The following NUMB variants were observed in gnomAD, a reference collection of about 807,000 sequenced individuals.
The protein encoded by NUMB is NUMB endocytic adaptor protein.
In NUMB, 29 loss-of-function variants were observed where a neutral mutation model predicts 59.7. The observed-to-expected ratio is 0.49, with a 90% CI of 0.36 to 0.66. The LOEUF (loss-of-function observed/expected upper bound fraction) is 0.66, where lower values mean the gene tolerates loss of function less well. Ranked by LOEUF, NUMB falls within the 30% of genes least tolerant of loss-of-function variation. The pLI is 0.00. For missense variants in NUMB, 723 were observed against 822.0 expected (o/e 0.88, Z 1.47); for synonymous variants, 288 against 288.2 (o/e 1.00, Z 0.01).
intron 4 of NUMB, among the ~76,000 whole-genome samples, chr14:73,324,684 C>T (rs1324867301): frequency 1.3e-5 from 2 of 151,926 alleles, no homozygotes; most frequent in African/African-American, 4.8e-5. Context: ...AGACACACTA[C>T]ACCCTGTCCT....
chr14:73,276,555 A>AGAT lies in NUMB; in HGVS notation c.*20_*22dup. The AGAT allele has an allele frequency of 6.3e-7, 1 of 1,583,028 alleles. No individual in the cohort carries two copies. Among genetic ancestry groups the AGAT allele is most frequent in the Middle Eastern group, 1.7e-4 (1 of 5,868 alleles). Reference sequence around the variant, plus strand: ...CCCTGCTCCCTGTCTGGTATGGACAAGATACATAGCCATAATGATTGCTTA... The same window carrying AGAT: ...CCCTGCTCCCTGTCTGGTATGGACAAGATGATACATAGCCATAATGATTGCTTA... On this transcript the variant is annotated 3_prime_UTR_variant, in exon 13 of 13. Transcript: ENST00000555238.
intron 1 of NUMB, among the ~76,000 whole-genome samples, chr14:73,448,328 A>T (rs1883682506): frequency 6.6e-6 from 1 of 152,242 alleles, no homozygotes; most frequent in South Asian, 2.1e-4. Flanking sequence ...CATCAGAGAC[A>T]ATAAATAATA....
In NUMB at chr14:73,384,336, G is replaced by A. The variant is rs1011910776; in HGVS notation, c.-100-17355C>T. ...GATCTCCTGACCTCATGATCCACCCGCCTCGGCCTCCCAAAAGGTTGGGAT... is the reference window on the plus strand; with the variant it reads ...GATCTCCTGACCTCATGATCCACCCACCTCGGCCTCCCAAAAGGTTGGGAT... On this transcript the variant is annotated intron_variant, in intron 2 of 12. Coordinates refer to ENST00000555238, the MANE Select transcript of NUMB (RefSeq NM_001005743.2). 2.1e-4 allele frequency among the ~76,000 whole-genome samples: 32 copies of A among 151,764 alleles called. 1 individual carries two copies. Among genetic ancestry groups the A allele is most frequent in the African/African-American group, 6.3e-4 (26 of 41,312 alleles).
chr14:73,345,856 C>G (rs753984393), intron 4 of NUMB, among the ~76,000 whole-genome samples: 1 of 151,646 alleles, frequency 6.6e-6, no homozygotes, highest in African/African-American at 2.4e-5. Context: ...TGCATTGAGC[C>G]GAGATCGCAC....
At chr14:73,368,673 T>C (rs567244966) in intron 2 of NUMB, among the ~76,000 whole-genome samples, 1 of 152,240 alleles carries the variant, frequency 6.6e-6, no homozygotes, top group African/African-American at 2.4e-5. Context: ...ATAGTCACAA[T>C]ACTCAGTATT....
At chr14:73,338,669 CT>C (rs930769902) in intron 4 of NUMB, among the ~76,000 whole-genome samples, 15 of 152,274 alleles carry the variant, frequency 9.9e-5, no homozygotes, top group African/African-American at 3.6e-4. Context: ...TTATAAGGCC[CT>C]ACACCAGTAG....
intron 1 of NUMB, among the ~76,000 whole-genome samples, chr14:73,427,507 T>C (rs1897640213): frequency 6.6e-6 from 1 of 151,964 alleles, no homozygotes; most frequent in African/African-American, 2.4e-5. Flanking sequence ...AGCCACCTGC[T>C]AGTTCTGTGA....
intron 2 of NUMB, among the ~76,000 whole-genome samples, chr14:73,374,098 G>C (rs1384041934): frequency 2.0e-5 from 3 of 152,098 alleles, no homozygotes; most frequent in South Asian, 2.1e-4. Context: ...TCGAACCCCT[G>C]ACCTTAGGTG....
At chr14:73,396,775 T>C (rs545536706) in intron 2 of NUMB, among the ~76,000 whole-genome samples, 1 of 152,314 alleles carries the variant, frequency 6.6e-6, no homozygotes, top group Admixed American at 6.5e-5. Flanking sequence ...GGTATATCTA[T>C]ACCAGTGGTT....
At chr14:73,433,132 G>T (rs1897903300) in intron 1 of NUMB, among the ~76,000 whole-genome samples, 1 of 152,032 alleles carries the variant, frequency 6.6e-6, no homozygotes, top group South Asian at 2.1e-4. Context: ...GCTTGAACCT[G>T]GGAGGCAGAG....
At chr14:73,438,868 G>A (rs1310268682) in intron 1 of NUMB, among the ~76,000 whole-genome samples, 1 of 152,072 alleles carries the variant, frequency 6.6e-6, no homozygotes. Flanking sequence ...AAGAACACAA[G>A]TGATATCCCT....
At chr14:73,394,721 T>C (rs1289470586) in intron 2 of NUMB, among the ~76,000 whole-genome samples, 1 of 152,234 alleles carries the variant, frequency 6.6e-6, no homozygotes, top group Non-Finnish European at 1.5e-5. Context: ...ACCATCATTC[T>C]ACCAGACTGT....
chr14:73,419,900 C>T (rs1003763190), intron 1 of NUMB, among the ~76,000 whole-genome samples: 9 of 152,202 alleles, frequency 5.9e-5, no homozygotes, highest in Non-Finnish European at 1.2e-4. Context: ...GAGTCTTGCC[C>T]TGTCGCCCAG....
At position 73,287,246 on chromosome 14, in the gene NUMB, C is replaced by T. The variant is rs144823089; in HGVS notation, c.519G>A (p.Glu173=). The T allele has an allele frequency of 2.5e-5, 40 of 1,613,632 alleles. No homozygotes were observed. Among genetic ancestry groups the T allele is most frequent in the Non-Finnish European group, 3.2e-5 (38 of 1,179,970 alleles). ...AACLERKQKR[E]KECGVTATFD... ...AAGTAGCAGTCACTCCACATTCCTTCTCCCGCTTCTGCTTGCGCTCTAAAC... is the reference window on the plus strand; with the variant it reads ...AAGTAGCAGTCACTCCACATTCCTTTTCCCGCTTCTGCTTGCGCTCTAAAC... The change falls in exon 9 of 13, where the codon GAG becomes GAA. Residue 173 remains glutamate, a synonymous_variant. Coordinates refer to ENST00000555238, the MANE Select transcript of NUMB (RefSeq NM_001005743.2).
At chr14:73,444,152 C>T (rs1182327010) in intron 1 of NUMB, among the ~76,000 whole-genome samples, 9 of 152,142 alleles carry the variant, frequency 5.9e-5, no homozygotes, top group Non-Finnish European at 1.2e-4. Flanking sequence ...GTAAACCCAA[C>T]ACTTTGGGAG....
intron 4 of NUMB, among the ~76,000 whole-genome samples, chr14:73,325,304 C>T (rs1448494228): frequency 1.3e-5 from 2 of 151,718 alleles, no homozygotes; most frequent in Admixed American, 6.6e-5. Flanking sequence ...CCTGTCTCTA[C>T]AAAAATAAAA....
At chr14:73,406,193 T>C (rs1177310052) in intron 2 of NUMB, among the ~76,000 whole-genome samples, 3 of 151,686 alleles carry the variant, frequency 2.0e-5, no homozygotes, top group East Asian at 1.9e-4. Flanking sequence ...GTGCTGCACC[T>C]ATTAACTCAT....
At chr14:73,382,366 T>TG (rs1223650689) in intron 2 of NUMB, among the ~76,000 whole-genome samples, 2 of 151,758 alleles carry the variant, frequency 1.3e-5, no homozygotes, top group Non-Finnish European at 2.9e-5. Flanking sequence ...AGGCTGGTCT[T>TG]GAACTCCTGA....
chr14:73,368,476 G>C (rs144920770), intron 2 of NUMB, among the ~76,000 whole-genome samples: 1 of 151,854 alleles, frequency 6.6e-6, no homozygotes, highest in Non-Finnish European at 1.5e-5. Context: ...CCAGCTACTC[G>C]GGAGGCTGAG....
Sources: gnomAD v4.1 joint callset for allele counts (sites outside exome capture counted in the v4.1 genomes callset) on GRCh38, gnomAD v4.1.1 for gene constraint, MANE v1.5 for transcripts, NCBI Gene and HGNC (gene_info 2026-07-23, HGNC 2026-07-21) for gene names.